DPP10: variants seen among roughly 807,000 people sequenced by gnomAD.
The protein encoded by DPP10 is dipeptidyl peptidase like 10.
In DPP10, 33 loss-of-function variants were observed where a neutral mutation model predicts 120.9. The ratio of observed to expected loss-of-function variants is 0.27; its 90% CI spans 0.21 to 0.37. DPP10 has a LOEUF of 0.37. DPP10 is among the 10% of genes least tolerant of loss of function. DPP10 has a pLI of 1.00. For synonymous variants in DPP10, 337 were observed against 326.1 expected, an observed-to-expected ratio of 1.03 and a Z score of -0.36; for missense variants, 816 against 942.8, an observed-to-expected ratio of 0.87 and a Z score of 1.76.
At position 115,805,609 on chromosome 2, in the gene DPP10, C is replaced by T. The variant is rs530196815; in HGVS notation, c.1701-9184C>T. On this transcript the variant is annotated intron_variant, in intron 19 of 25. Coordinates refer to ENST00000410059, the MANE Select transcript of DPP10 (RefSeq NM_020868.6). The stretch of plus-strand genomic sequence containing the variant: ...TTTTTTTTGAGACGCAGTCTCACTC[C>T]TGTCGCCCAGGCTGGAGTGCAGTGG... Among the ~76,000 whole-genome samples, 311 of 151,340 alleles carry T rather than the reference C, an allele frequency of 2.1e-3. 2 individuals carry two copies. The highest frequency in any genetic ancestry group is 2.2e-3 in the Admixed American group (34 of 15,196).
chr2:115,090,109 T>C (rs1268918689), intron 1 of DPP10, among the ~76,000 whole-genome samples: 1 of 152,202 alleles, frequency 6.6e-6, no homozygotes, highest in Non-Finnish European at 1.5e-5. Context: ...CTTTTATTTT[T>C]CTCTTCTTGA....
intron 1 of DPP10, among the ~76,000 whole-genome samples, chr2:114,498,589 G>A (rs2104495960): frequency 6.6e-6 from 1 of 152,324 alleles, no homozygotes; most frequent in Non-Finnish European, 1.5e-5. Flanking sequence ...GGCCTGGGGA[G>A]GTTGTTCTTG....
At chr2:115,189,212 A>G (rs897617199) in intron 1 of DPP10, among the ~76,000 whole-genome samples, 2 of 152,210 alleles carry the variant, frequency 1.3e-5, no homozygotes, top group Non-Finnish European at 2.9e-5. Flanking sequence ...CTGCTGTGTC[A>G]TTCCCCTGTT....
At chr2:115,522,458 C>T (rs552298622) in intron 4 of DPP10, among the ~76,000 whole-genome samples, 3 of 152,224 alleles carry the variant, frequency 2.0e-5, no homozygotes, top group South Asian at 2.1e-4. Context: ...ACATAAGATT[C>T]GCTTGAATGG....
At chr2:115,188,324 A>G (rs2054617688) in intron 1 of DPP10, among the ~76,000 whole-genome samples, 1 of 152,298 alleles carries the variant, frequency 6.6e-6, no homozygotes, top group Non-Finnish European at 1.5e-5. Context: ...GAAATATGGG[A>G]GAAAACGGGA....
At chr2:115,265,268 CATATAT>C (rs55778302) in intron 1 of DPP10, among the ~76,000 whole-genome samples, 1,634 of 142,460 alleles carry the variant, frequency 0.011, 31 homozygotes, top group African/African-American at 0.04. Flanking sequence ...CTTTGGATTC[CATATAT>C]ATATATATAT....
At chr2:115,146,309 T>C (rs1189581744) in intron 1 of DPP10, among the ~76,000 whole-genome samples, 4 of 151,736 alleles carry the variant, frequency 2.6e-5, no homozygotes, top group African/African-American at 9.7e-5. Flanking sequence ...TGGGAGAAAC[T>C]GAAACACACT....
Position 114,827,152 on chromosome 2 carries a change from C to T in DPP10, c.60+384314C>T, listed in dbSNP as rs185476288. The stretch of plus-strand genomic sequence containing the variant: ...TGTTAAGTTCTCTTATGGGAGTTTG[C>T]AGATACTGTTTTGACTCTGAATATA... On this transcript the variant is annotated intron_variant, in intron 1 of 25. Transcript: ENST00000410059. Among the ~76,000 whole-genome samples, 1,030 of 152,166 alleles carry T rather than the reference C, an allele frequency of 6.8e-3. 9 individuals carry two copies. Among genetic ancestry groups the T allele is most frequent in the African/African-American group, 0.023 (972 of 41,506 alleles).
intron 5 of DPP10, among the ~76,000 whole-genome samples, chr2:115,610,684 A>G (rs2084036615): frequency 6.6e-6 from 1 of 152,118 alleles, no homozygotes. Flanking sequence ...GGGCAGCTTA[A>G]TTTGTTTACT....
chr2:115,817,938 A>G (rs762508445), intron 21 of DPP10, among the ~76,000 whole-genome samples: 2 of 152,188 alleles, frequency 1.3e-5, no homozygotes, highest in Non-Finnish European at 2.9e-5. Context: ...AGGGGAGAGG[A>G]AAAAGGGAAG....
chr2:115,071,009 CA>C lies in DPP10; in HGVS notation c.61-238226del, dbSNP rs1339264010. Among the ~76,000 whole-genome samples, 10 of 152,180 alleles carry C rather than the reference CA, an allele frequency of 6.6e-5. No homozygotes were observed. The East Asian group carries it at 1.9e-3, about 29-fold the overall frequency. ...TTTGAATATTAATATTTATGAAGGA[CA>C]AAAGGTTACTTTTGTAATGTTGCAA... is the stretch of plus-strand genomic sequence containing the variant. On this transcript the variant is annotated intron_variant, in intron 1 of 25. Transcript: ENST00000410059.
At chr2:115,384,210 A>G (rs2066673244) in intron 3 of DPP10, among the ~76,000 whole-genome samples, 1 of 152,174 alleles carries the variant, frequency 6.6e-6, no homozygotes, top group African/African-American at 2.4e-5. Context: ...AAGGTGAGGC[A>G]TAAAAACTAG....
At chr2:115,467,699 G>C (rs970340005) in intron 3 of DPP10, among the ~76,000 whole-genome samples, 1 of 152,250 alleles carries the variant, frequency 6.6e-6, no homozygotes, top group East Asian at 1.9e-4. Flanking sequence ...AGAGTACAAG[G>C]CATCTGGAAT....
At position 115,081,454 on chromosome 2, in the gene DPP10, A is replaced by AT. The variant is rs556405123; in HGVS notation, c.61-227779dup. Among the ~76,000 whole-genome samples, 721 of 152,256 alleles carry AT rather than the reference A, an allele frequency of 4.7e-3. 2 individuals carry two copies. The highest frequency in any genetic ancestry group is 7.7e-3 in the Non-Finnish European group (523 of 68,006). ...TTTCTATGATATATTTTTCCAGAAG[A>AT]TTTTTTAAACCTTCTATGTCTGTTT... On this transcript the variant is annotated intron_variant, in intron 1 of 25. Transcript: ENST00000410059.
At chr2:115,111,010 T>G (rs753768289) in intron 1 of DPP10, among the ~76,000 whole-genome samples, 1 of 152,192 alleles carries the variant, frequency 6.6e-6, no homozygotes, top group Non-Finnish European at 1.5e-5. Flanking sequence ...ACGACATTTA[T>G]GATTTCAAAA....
intron 1 of DPP10, among the ~76,000 whole-genome samples, chr2:115,015,627 T>C (rs1333829993): frequency 6.6e-6 from 1 of 152,166 alleles, no homozygotes; most frequent in African/African-American, 2.4e-5. Context: ...AAAATCTCCT[T>C]AGGCTGATAA....
chr2:114,758,200 C>T (rs1308385506), intron 1 of DPP10, among the ~76,000 whole-genome samples: 1 of 152,222 alleles, frequency 6.6e-6, no homozygotes, highest in East Asian at 1.9e-4. Flanking sequence ...TCAGTTAAAG[C>T]AGTTTTCAGT....
chr2:114,873,604 G>T (rs1690885580), intron 1 of DPP10, among the ~76,000 whole-genome samples: 1 of 152,102 alleles, frequency 6.6e-6, no homozygotes, highest in Admixed American at 6.6e-5. Context: ...TTCACTGCTT[G>T]GGTCAAAGAG....
intron 1 of DPP10, among the ~76,000 whole-genome samples, chr2:115,096,450 TG>T (rs1156729256): frequency 2.0e-5 from 3 of 152,036 alleles, no homozygotes; most frequent in South Asian, 4.1e-4. Flanking sequence ...AATACTTAAG[TG>T]AAGAATGGAG....
Sources: gnomAD v4.1 joint callset for allele counts (sites outside exome capture counted in the v4.1 genomes callset) on GRCh38, gnomAD v4.1.1 for gene constraint, MANE v1.5 for transcripts, NCBI Gene and HGNC (gene_info 2026-07-23, HGNC 2026-07-21) for gene names.